The following SLC12A7 variants were observed in gnomAD, a reference collection of about 807,000 sequenced individuals.
The protein encoded by SLC12A7 is solute carrier family 12 member 7.
Under a neutral mutation model 120.6 loss-of-function variants are expected in SLC12A7, and 100 were observed. The observed-to-expected ratio is 0.83, with a 90% CI of 0.71 to 0.98. The LOEUF (loss-of-function observed/expected upper bound fraction) is 0.98. SLC12A7 is among the 50% of genes least tolerant of loss of function. The pLI is 0.00. For synonymous variants in SLC12A7, 760 were observed against 678.0 expected, an observed-to-expected ratio of 1.12 and a Z score of -1.88; for missense variants, 1,373 against 1,548.1, an observed-to-expected ratio of 0.89 and a Z score of 1.90.
chr5:1,100,929 G>A (rs569299391), intron 1 of SLC12A7, among the ~76,000 whole-genome samples: 1 of 152,312 alleles, frequency 6.6e-6, no homozygotes, highest in African/African-American at 2.4e-5. Flanking sequence ...AGTGAAACAT[G>A]AGCCTGCAGG....
the SLC12A7 span, among the ~76,000 whole-genome samples, chr5:1,146,712 G>A: frequency 2.6e-5 from 4 of 152,162 alleles, no homozygotes; most frequent in Admixed American, 2.6e-4. This position sits in a 1 kb window ranked among gnomAD's most constrained non-coding sequence, Gnocchi z 6.5. Context: ...CCTGCTACCT[G>A]GAGGCTTCAC....
chr5:1,121,522 A>G, the SLC12A7 span, among the ~76,000 whole-genome samples: 2 of 152,320 alleles, frequency 1.3e-5, no homozygotes, highest in Admixed American at 1.3e-4. Flanking sequence ...GGCCTCAAGT[A>G]ATCGTGGAAA....
At position 1,112,051 on chromosome 5, in the gene SLC12A7, A is replaced by G. The variant is rs1019349398; in HGVS notation, c.-60T>C. On this transcript the variant is annotated 5_prime_UTR_variant, in exon 1 of 24. Coordinates refer to ENST00000264930, the MANE Select transcript of SLC12A7 (RefSeq NM_006598.3). The stretch of plus-strand genomic sequence containing the variant: ...GGCCCGCGCTGCGCCGCTCCCGCCG[A>G]CGCCACGGGACTTGGAGGCAGGGGC... The G allele has an allele frequency of 6.6e-6, 8 of 1,207,538 alleles. No individual in the cohort carries two copies. The highest frequency in any genetic ancestry group is 8.2e-6 in the Non-Finnish European group (8 of 971,680). 74.8% of individuals were successfully genotyped at this position (1,207,538 alleles called of 1,614,324 possible).
Position 1,060,379 on chromosome 5 carries a change from G to C in SLC12A7, c.2812C>G (p.Gln938Glu). 1 of 1,613,706 alleles carries C rather than the reference G, an allele frequency of 6.2e-7. No homozygotes were observed. The highest frequency in any genetic ancestry group is 8.5e-7 in the Non-Finnish European group (1 of 1,179,932). ...TGCTCGTTCTTGGACAGCTGCATCT[G>C]CTTCAGCATCTGCGACCTCTGCTCC... ...MMEQRSQMLK[Q>E]MQLSKNEQER... Residue 938 changes from glutamine to glutamate, a missense_variant, in exon 21 of 24, where the codon CAG (glutamine) becomes GAG (glutamate). Gln to Glu is a conservative substitution (Grantham distance 29, BLOSUM62 2). Transcript: ENST00000264930.
At chr5:1,149,923 G>A in the SLC12A7 span, among the ~76,000 whole-genome samples, 143 of 152,050 alleles carry the variant, frequency 9.4e-4, 2 homozygotes, top group African/African-American at 3.3e-3. Context: ...CCAGTTACTC[G>A]GGAGGCTGAG....
chr5:1,101,948 C>T (rs1178546758), intron 1 of SLC12A7, among the ~76,000 whole-genome samples: 1 of 152,250 alleles, frequency 6.6e-6, no homozygotes. Context: ...ACTTCCCCAG[C>T]TCCCTCCCTG....
chr5:1,083,878 G>C lies in SLC12A7; in HGVS notation c.996C>G (p.Asn332Lys). ...GGCCCCAGAGCGCGGAGGTGGCTGA[G>C]TTGTTGTGGATGCCGTAGGCCTTGA... ...ACVKAYGIHN[N>K]SATSALWGLF... is the part of the protein sequence containing the mutation. Residue 332 changes from asparagine (N) to lysine (K), a missense_variant, in exon 8 of 24, where the codon AAC becomes AAG. By Grantham distance (94) the Asn-to-Lys change is moderately conservative. Coordinates refer to ENST00000264930, the MANE Select transcript of SLC12A7 (RefSeq NM_006598.3). 3 of 1,608,856 alleles carry C rather than the reference G, an allele frequency of 1.9e-6. No individual in the cohort carries two copies. Among genetic ancestry groups the C allele is most frequent in the Non-Finnish European group, 2.5e-6 (3 of 1,178,278 alleles).
the SLC12A7 span, among the ~76,000 whole-genome samples, chr5:1,132,800 A>G: frequency 0.029 from 4,489 of 152,358 alleles, 133 homozygotes; most frequent in East Asian, 0.13. Flanking sequence ...TGCAGTGTCC[A>G]TGGCCAAAGG....
chr5:1,093,290 G>A (rs935171164), intron 3 of SLC12A7, among the ~76,000 whole-genome samples: 2 of 152,206 alleles, frequency 1.3e-5, no homozygotes, highest in Non-Finnish European at 2.9e-5. Flanking sequence ...TTCTCGACAG[G>A]GAACCCGGCC....
intron 1 of SLC12A7, among the ~76,000 whole-genome samples, chr5:1,102,560 C>T (rs1294729378): frequency 2.6e-5 from 4 of 152,230 alleles, no homozygotes; most frequent in Admixed American, 6.5e-5. Context: ...CGACAGCCTC[C>T]GCCCCTTCCT....
chr5:1,085,878 G>T (rs1022869556), intron 6 of SLC12A7, among the ~76,000 whole-genome samples: 1 of 152,246 alleles, frequency 6.6e-6, no homozygotes, highest in African/African-American at 2.4e-5. Context: ...CTGCTGCCCA[G>T]AGAGCTCGGC....
chr5:1,057,499 C>CAGAT lies in SLC12A7; in HGVS notation c.2994_2997dup (p.Gly1000IlefsTer61). 1 of 1,612,896 alleles carries CAGAT rather than the reference C, an allele frequency of 6.2e-7. No homozygotes were observed. The highest frequency in any genetic ancestry group is 1.3e-5 in the African/African-American group (1 of 75,058). On this transcript the variant is annotated frameshift_variant, in exon 22 of 24. Coordinates refer to ENST00000264930, the MANE Select transcript of SLC12A7 (RefSeq NM_006598.3). LOFTEE classifies it high-confidence loss of function. The stretch of plus-strand genomic sequence containing the variant: ...TTCATGCTGAAGAGGTCTTTGAAAC[C>CAGAT]AGATAGGCTGGTGTCTCTGCTCCTG...
chr5:1,077,921 GAGA>G lies in SLC12A7; in HGVS notation c.1538_1540del (p.Phe513del), dbSNP rs1358317743. ...GCTCTGCAGGCCGGCACCGCAGGTG[GAGA>G]AGAAGGAGCCGATGACGATGACCCA... On this transcript the variant is annotated inframe_deletion, in exon 12 of 24. Transcript: ENST00000264930. The G allele has an allele frequency of 3.1e-6, 5 of 1,601,050 alleles. No homozygotes were observed. The highest frequency in any genetic ancestry group is 3.4e-5 in the Admixed American group (2 of 58,654).
rs1738129521 is a variant in SLC12A7, at chr5:1,074,731, G to C, written c.1968-60C>G. On this transcript the variant is annotated intron_variant, in intron 15 of 23. Coordinates refer to ENST00000264930, the MANE Select transcript of SLC12A7 (RefSeq NM_006598.3). ...GTACCTGGAGGCTCCTCTCCCACCT[G>C]GGAAAGGGGACTTCTGGGGGCAGGT... 4 of 1,507,916 alleles carry C rather than the reference G, an allele frequency of 2.7e-6. No homozygotes were observed. In the African/African-American group the frequency reaches 4.1e-5, roughly 15 times the overall value. 93.4% of individuals were successfully genotyped at this position (1,507,916 alleles called of 1,614,324 possible). A position where few individuals can be genotyped will look rare whatever the true frequency, so the allele number is the denominator to read the frequency against.
At chr5:1,120,245 C>T in the SLC12A7 span, among the ~76,000 whole-genome samples, 9 of 152,264 alleles carry the variant, frequency 5.9e-5, no homozygotes, top group South Asian at 4.1e-4. Context: ...TCTCAGAAGA[C>T]GCTCTCAAGG....
At chr5:1,143,954 C>A in the SLC12A7 span, among the ~76,000 whole-genome samples, 1 of 151,990 alleles carries the variant, frequency 6.6e-6, no homozygotes, top group Admixed American at 6.6e-5. Context: ...GGCACCCTGG[C>A]GCTGGGAAAC....
intron 6 of SLC12A7, among the ~76,000 whole-genome samples, chr5:1,086,065 C>T (rs1427706676): frequency 6.6e-6 from 1 of 152,176 alleles, no homozygotes; most frequent in African/African-American, 2.4e-5. Context: ...CACCCACCCC[C>T]ACCAAAGGGG....
chr5:1,123,090 T>A, the SLC12A7 span, among the ~76,000 whole-genome samples: 1 of 152,312 alleles, frequency 6.6e-6, no homozygotes, highest in Non-Finnish European at 1.5e-5. Context: ...GCTGAGCCGC[T>A]GCCACTGCCA....
the SLC12A7 span, among the ~76,000 whole-genome samples, chr5:1,139,917 G>A: frequency 6.6e-6 from 1 of 152,236 alleles, no homozygotes; most frequent in East Asian, 1.9e-4. Context: ...GGATGCATGG[G>A]CCTCAGGGCT....
Sources: gnomAD v4.1 joint callset for allele counts (sites outside exome capture counted in the v4.1 genomes callset) on GRCh38, gnomAD v4.1.1 for gene constraint, Gnocchi (gnomAD v3.1) non-coding constraint, MANE v1.5 for transcripts, NCBI Gene and HGNC (gene_info 2026-07-23, HGNC 2026-07-21) for gene names.